PUM2: variants seen among roughly 807,000 people sequenced by gnomAD.
PUM2 encodes the protein pumilio homolog 2.
In PUM2, 57 loss-of-function variants were observed where a neutral mutation model predicts 124.5. The ratio of observed to expected loss-of-function variants is 0.46; its 90% CI spans 0.37 to 0.57. PUM2 has a LOEUF of 0.57. PUM2 is among the 20% of genes least tolerant of loss of function. The pLI, the probability that PUM2 is intolerant of heterozygous loss-of-function variation, is 0.00. For missense variants in PUM2, 1,065 were observed against 1,290.6 expected (o/e 0.83, Z 2.68); for synonymous variants, 460 against 446.1 (o/e 1.03, Z -0.39).
At chr2:20,271,065 G>A (rs2148709366) in intron 13 of PUM2, among the ~76,000 whole-genome samples, 1 of 152,176 alleles carries the variant, frequency 6.6e-6, no homozygotes, top group Admixed American at 6.5e-5. Flanking sequence ...TTACCACAAA[G>A]CTACAAACTC....
chr2:20,289,545 T>C (rs1438918760), intron 10 of PUM2, among the ~76,000 whole-genome samples: 1 of 152,050 alleles, frequency 6.6e-6, no homozygotes, highest in Non-Finnish European at 1.5e-5. Context: ...GGCTGGGGTA[T>C]AAAAAATAAA....
intron 10 of PUM2, among the ~76,000 whole-genome samples, chr2:20,289,762 T>G (rs938142303): frequency 3.3e-5 from 5 of 152,208 alleles, no homozygotes; most frequent in African/African-American, 1.2e-4. Context: ...CTCTCAATCA[T>G]GCAAGTCATT....
At chr2:20,313,069 T>A (rs188495997) in intron 3 of PUM2, among the ~76,000 whole-genome samples, 53 of 152,314 alleles carry the variant, frequency 3.5e-4, no homozygotes, top group Admixed American at 5.9e-4. Flanking sequence ...TAACTCAAGA[T>A]GGATTAAAGA....
chr2:20,307,695 T>C (rs1035917291), intron 7 of PUM2, among the ~76,000 whole-genome samples: 2 of 152,308 alleles, frequency 1.3e-5, no homozygotes, highest in African/African-American at 4.8e-5. Flanking sequence ...ACAAGTAAAT[T>C]TGAATTTCCA....
chr2:20,274,837 ATATTTAAAAAGTT>A (rs1203859526), intron 13 of PUM2, among the ~76,000 whole-genome samples: 1 of 151,220 alleles, frequency 6.6e-6, no homozygotes, highest in African/African-American at 2.4e-5. Context: ...TATCAACACT[ATATTTAAAAAGTT>A]TATTAGAAGA....
chr2:20,306,095 C>T (rs994078583), intron 7 of PUM2, among the ~76,000 whole-genome samples: 1 of 152,074 alleles, frequency 6.6e-6, no homozygotes, highest in Non-Finnish European at 1.5e-5. Flanking sequence ...GTCCCAGCTA[C>T]TCGGGAGGCT....
At chr2:20,324,782 A>G (rs1353619610) in intron 2 of PUM2, among the ~76,000 whole-genome samples, 1 of 152,226 alleles carries the variant, frequency 6.6e-6, no homozygotes, top group Non-Finnish European at 1.5e-5. Context: ...TAAAGACATC[A>G]TGATCTACAA....
At chr2:20,284,342 A>C (rs767142241) in intron 10 of PUM2, among the ~76,000 whole-genome samples, 1 of 152,164 alleles carries the variant, frequency 6.6e-6, no homozygotes, top group Non-Finnish European at 1.5e-5. Context: ...ACTATCAGCA[A>C]AACATGCATT....
At position 20,254,007 on chromosome 2, in the gene PUM2, C is replaced by T. The variant is rs1366438031; in HGVS notation, c.2878G>A (p.Val960Ile). ...LSQHKFASNV[V>I]EKCVTHASRA... ...GAGGCATGAGTAACACACTTTTCTA[C>T]TACATTGCTAAAAATTAAAGCAGAT... The change falls in exon 20 of 21, where the codon GTA (valine) becomes ATA (isoleucine). Residue 960 changes from valine (V) to isoleucine (I), a missense_variant. Transcript: ENST00000361078. The T allele has an allele frequency of 1.9e-6, 3 of 1,598,716 alleles. No individual in the cohort carries two copies. Among genetic ancestry groups the T allele is most frequent in the South Asian group, 2.3e-5 (2 of 87,480 alleles).
chr2:20,285,714 A>C (rs745724784), intron 10 of PUM2, among the ~76,000 whole-genome samples: 1 of 152,214 alleles, frequency 6.6e-6, no homozygotes, highest in Non-Finnish European at 1.5e-5. Flanking sequence ...GCAGGGAAAA[A>C]TAAGGAAAAA....
chr2:20,283,636 T>C, intron 10 of PUM2, 150 bp from the exon 11 acceptor site: 1 of 750,960 alleles, frequency 1.3e-6, no homozygotes, highest in South Asian at 2.2e-5. Context: ...AAGCAACACA[T>C]TTGACAAGGT....
At chr2:20,297,184 A>C (rs1675821398) in intron 8 of PUM2, among the ~76,000 whole-genome samples, 1 of 152,062 alleles carries the variant, frequency 6.6e-6, no homozygotes, top group Non-Finnish European at 1.5e-5. Context: ...TCTACCCCTG[A>C]CCTATGTATG....
At chr2:20,298,882 T>C (rs11895228) in intron 7 of PUM2, among the ~76,000 whole-genome samples, 1 of 151,966 alleles carries the variant, frequency 6.6e-6, no homozygotes, top group African/African-American at 2.4e-5. Flanking sequence ...GTAATATTTT[T>C]AAAAAGCATT....
At position 20,350,731 on chromosome 2, in the gene PUM2, C is replaced by T. The variant is rs1183102027; in HGVS notation, c.-153G>A. The T allele has an allele frequency of 1.1e-6, 1 of 913,396 alleles. No individual in the cohort carries two copies. The highest frequency in any genetic ancestry group is 1.3e-6 in the Non-Finnish European group (1 of 768,286). 56.6% of individuals were successfully genotyped at this position (913,396 alleles called of 1,614,324 possible). A position where few individuals can be genotyped will look rare whatever the true frequency, so the allele number is the denominator to read the frequency against. On this transcript the variant is annotated 5_prime_UTR_variant, in exon 1 of 21. Transcript: ENST00000361078. The stretch of plus-strand genomic sequence containing the variant: ...TTCTTTCTCCACCTACCACCCTCCC[C>T]CCCCACCCCACCTCCTCCTTCTCCT...
At chr2:20,308,634 T>G (rs770002336) in intron 5 of PUM2, 50 bp from the exon 6 acceptor site, 1 of 1,498,148 alleles carries the variant, frequency 6.7e-7, no homozygotes, top group East Asian at 2.3e-5. Flanking sequence ...ACAAGTCAAA[T>G]AGCGAAATGG....
chr2:20,294,296 G>A (rs550357751), intron 9 of PUM2, 80 bp downstream of exon 9: 195 of 1,522,396 alleles, frequency 1.3e-4, no homozygotes, highest in Middle Eastern at 2.3e-4. Flanking sequence ...AACGTAAGTC[G>A]AAAAACACAA....
chr2:20,351,469 G>C (rs997547710), upstream of PUM2, among the ~76,000 whole-genome samples: 6 of 152,214 alleles, frequency 3.9e-5, no homozygotes. Context: ...CCAGTGCTTG[G>C]TCCCGGTGCA....
chr2:20,273,519 A>T (rs1669508748), intron 13 of PUM2, among the ~76,000 whole-genome samples: 1 of 152,246 alleles, frequency 6.6e-6, no homozygotes, highest in African/African-American at 2.4e-5. Context: ...TAAATAAAAA[A>T]TTAGTAATCT....
At chr2:20,253,327 G>A (rs956274981) in intron 20 of PUM2, among the ~76,000 whole-genome samples, 1 of 152,060 alleles carries the variant, frequency 6.6e-6, no homozygotes, top group African/African-American at 2.4e-5. Context: ...CATCTCAGCT[G>A]CCTGAGTAGC....
Sources: allele counts gnomAD v4.1 joint callset (sites outside exome capture counted in the v4.1 genomes callset), GRCh38; gene constraint gnomAD v4.1.1; transcripts MANE v1.5; gene names NCBI Gene and HGNC (gene_info 2026-07-23, HGNC 2026-07-21).